SYCP2: variants seen among roughly 807,000 people sequenced by gnomAD.
SYCP2 encodes synaptonemal complex protein 2.
Under a neutral mutation model 211.3 loss-of-function variants are expected in SYCP2, and 55 were observed. That is an observed-to-expected ratio of 0.26 (90% CI 0.21 to 0.33). The LOEUF is 0.33. Ranked by LOEUF, SYCP2 falls within the 10% of genes least tolerant of loss-of-function variation. The pLI, the probability that SYCP2 is intolerant of heterozygous loss-of-function variation, is 1.00. For synonymous variants in SYCP2, 570 were observed against 555.2 expected (o/e 1.03, Z -0.37); for missense variants, 1,731 against 1,752.0 (o/e 0.99, Z 0.21).
intron 12 of SYCP2, 48 bp from the exon 13 acceptor site, chr20:59,912,466 A>C (rs1030655900): frequency 1.4e-6 from 1 of 698,204 alleles, no homozygotes; most frequent in Middle Eastern, 2.6e-4. Flanking sequence ...CTTTCACAGC[A>C]TAATCTTGTC....
At chr20:59,915,443 C>G in intron 9 of SYCP2, 22 bp downstream of exon 9, 1 of 1,456,900 alleles carries the variant, frequency 6.9e-7, no homozygotes, top group Non-Finnish European at 9.5e-7. Context: ...AGAATAAAAA[C>G]CATATAAGTA....
chr20:59,918,210 G>A (rs1303786445), intron 7 of SYCP2, among the ~76,000 whole-genome samples: 1 of 152,132 alleles, frequency 6.6e-6, no homozygotes, highest in East Asian at 1.9e-4. Context: ...TTGGTAATTA[G>A]CACTGGCTGC....
At chr20:59,896,300 G>A (rs1367265767) in intron 19 of SYCP2, 129 bp downstream of exon 19, 1 of 565,464 alleles carries the variant, frequency 1.8e-6, no homozygotes, top group Non-Finnish European at 3.1e-6. Context: ...AGACATTTGT[G>A]GTTCATATTT....
chr20:59,892,205 G>C lies in SYCP2; in HGVS notation c.2149C>G (p.Pro717Ala). 1.2e-6 allele frequency: 2 copies of C among 1,612,434 alleles called. No individual in the cohort carries two copies. The highest frequency in any genetic ancestry group is 1.7e-6 in the Non-Finnish European group (2 of 1,179,036). The change falls in exon 24 of 45, where the codon CCT becomes GCT. Residue 717 changes from proline (P) to alanine (A), a missense_variant. By Grantham distance (27) the Pro-to-Ala change is conservative (BLOSUM62 -1). Transcript: ENST00000357552. ...NTENAKQSDW[P>A]VESETTFKSV... ...TTAAAAGTAGTTTCAGATTCAACAG[G>C]CCAATCACTCTGCTTGGCATTTTCA... is the stretch of plus-strand genomic sequence containing the variant.
chr20:59,930,450 T>A (rs1221552896), intron 2 of SYCP2, among the ~76,000 whole-genome samples: 1 of 152,182 alleles, frequency 6.6e-6, no homozygotes, highest in East Asian at 1.9e-4. Flanking sequence ...AGAACACAGA[T>A]GATTCTTGCA....
intron 31 of SYCP2, among the ~76,000 whole-genome samples, chr20:59,878,641 C>T (rs890930526): frequency 1.3e-5 from 2 of 151,984 alleles, no homozygotes; most frequent in African/African-American, 4.8e-5. Flanking sequence ...ATCTGCAGGT[C>T]TTAGTTACTT....
chr20:59,869,760 G>T, intron 36 of SYCP2, 38 bp downstream of exon 36: 1 of 1,314,738 alleles, frequency 7.6e-7, no homozygotes, highest in Non-Finnish European at 1.1e-6. Context: ...AACCATCTTA[G>T]TGTAAGGAAA....
intron 7 of SYCP2, 26 bp downstream of exon 7, chr20:59,919,132 C>T (rs1414279477): frequency 9.3e-6 from 11 of 1,188,314 alleles, no homozygotes; most frequent in African/African-American, 1.6e-5. Context: ...TTTATTGTTC[C>T]AATAGAAAAT....
At chr20:59,869,099 T>TA (rs1463910217) in intron 36 of SYCP2, among the ~76,000 whole-genome samples, 174 bp from the exon 37 acceptor site, 1 of 151,826 alleles carries the variant, frequency 6.6e-6, no homozygotes, top group Non-Finnish European at 1.5e-5. Flanking sequence ...ACCTTGATTC[T>TA]AAGTTGACCT....
rs891160426 is a variant in SYCP2, at chr20:59,932,070, T to C, written c.-55A>G. ...GAGAAGCGTGGATTTACCTGACAAG[T>C]AAGCAGGCTCTGGGCTCCAGTCTAC... On this transcript the variant is annotated 5_prime_UTR_variant, in exon 2 of 45. Transcript: ENST00000357552. The C allele has an allele frequency of 6.6e-6, 1 of 152,006 alleles. No homozygotes were observed. Among genetic ancestry groups the C allele is most frequent in the Admixed American group, 6.5e-5 (1 of 15,286 alleles). 9.4% of individuals were successfully genotyped at this position (152,006 alleles called of 1,614,324 possible). A position where few individuals can be genotyped will look rare whatever the true frequency, so the allele number is the denominator to read the frequency against.
At chr20:59,870,098 T>C in intron 35 of SYCP2, 115 bp from the exon 36 acceptor site, 1 of 610,942 alleles carries the variant, frequency 1.6e-6, no homozygotes, top group African/African-American at 1.9e-5. Context: ...AAACTACTAA[T>C]TCACTGCAAA....
chr20:59,877,487 T>C lies in SYCP2; in HGVS notation c.3048A>G (p.Arg1016=), dbSNP rs768933311. ...AGTTTTTTTTTGTTTTGGTTGCTTT[T>C]CGTGGAAGTCTGATTCTTCCTTCCG... ...TIPEGRIRLP[R]KATKTKKNYK... Residue 1016 remains arginine, a synonymous_variant, in exon 33 of 45, where the codon CGA becomes CGG. Transcript: ENST00000357552. The C allele has an allele frequency of 1.9e-6, 3 of 1,606,630 alleles. No individual in the cohort carries two copies. The East Asian group carries it at 6.7e-5, about 36-fold the overall frequency.
chr20:59,920,215 T>G, intron 5 of SYCP2, 144 bp downstream of exon 5: 1 of 708,086 alleles, frequency 1.4e-6, no homozygotes, highest in Non-Finnish European at 2.3e-6. Context: ...GTAACATATA[T>G]CACAAGTTAT....
At chr20:59,911,916 T>G in intron 13 of SYCP2, 71 bp from the exon 14 acceptor site, 2 of 674,088 alleles carry the variant, frequency 3.0e-6, no homozygotes, top group South Asian at 6.6e-5. Flanking sequence ...TGATGTTATA[T>G]TCATGGCTAA....
intron 34 of SYCP2, among the ~76,000 whole-genome samples, chr20:59,874,516 A>AT (rs1908982320): frequency 6.6e-6 from 1 of 152,006 alleles, no homozygotes; most frequent in Admixed American, 6.6e-5. Context: ...TCCTCAGACA[A>AT]TTTTCAGATC....
At chr20:59,890,585 G>A (rs1228144391) in intron 24 of SYCP2, among the ~76,000 whole-genome samples, 1 of 141,384 alleles carries the variant, frequency 7.1e-6, no homozygotes, top group Non-Finnish European at 1.5e-5. Flanking sequence ...TAGGTAAGTA[G>A]GTAGGTAGGT....
chr20:59,885,892 C>G, intron 26 of SYCP2, 36 bp downstream of exon 26: 3 of 1,530,056 alleles, frequency 2.0e-6, no homozygotes, highest in Non-Finnish European at 2.7e-6. Flanking sequence ...TTGAGTTTGA[C>G]TATAGATTTG....
rs1458013939 is a variant in SYCP2, at chr20:59,866,368, T to C, written c.4245A>G (p.Gln1415=). The C allele has an allele frequency of 1.3e-6, 2 of 1,592,620 alleles. No homozygotes were observed. The highest frequency in any genetic ancestry group is 1.7e-6 in the Non-Finnish European group (2 of 1,168,356). The part of the protein sequence containing the change: ...DSRIKKLDKF[Q]FIIIEELENF... ...TCTCCAGCTCCTCTATGATAATGAA[T>C]TGGAATTTATCAAGTTTTTTAATCC... The change falls in exon 41 of 45, where the codon CAA becomes CAG. Residue 1415 remains glutamine, a synonymous_variant. Coordinates refer to ENST00000357552, the MANE Select transcript of SYCP2 (RefSeq NM_014258.4).
chr20:59,901,921 A>C, intron 15 of SYCP2, 111 bp from the exon 16 acceptor site: 1 of 829,906 alleles, frequency 1.2e-6, no homozygotes, highest in Non-Finnish European at 1.8e-6. Context: ...TCAAATTCTC[A>C]ATATTGAACA....
Sources: gnomAD v4.1 joint callset for allele counts (sites outside exome capture counted in the v4.1 genomes callset) on GRCh38, gnomAD v4.1.1 for gene constraint, MANE v1.5 for transcripts, NCBI Gene and HGNC (gene_info 2026-07-23, HGNC 2026-07-21) for gene names.